XPO7: variants seen among roughly 807,000 people sequenced by gnomAD.
XPO7 encodes the protein exportin-7.
XPO7 carries 21 observed loss-of-function variants against 144.3 expected under a neutral mutation model. The ratio of observed to expected loss-of-function variants is 0.15; its 90% CI spans 0.10 to 0.21. XPO7 has a LOEUF of 0.21. XPO7 is among the 10% of genes least tolerant of loss of function. The pLI, the probability that XPO7 is intolerant of heterozygous loss-of-function variation, is 1.00. For synonymous variants in XPO7, 580 were observed against 499.6 expected (o/e 1.16, Z -2.15); for missense variants, 808 against 1,325.8 (o/e 0.61, Z 6.06).
intron 16 of XPO7, among the ~76,000 whole-genome samples, chr8:21,989,821 CTTTTTTTTTTTTTTTTTTTTTT>C (rs1170364778): frequency 5.0e-4 from 30 of 59,702 alleles, no homozygotes; most frequent in South Asian, 1.1e-3. Flanking sequence ...TAGGTGTTTC[CTTTTTTTTTTTTTTTTTTTTTT>C]TTTTTTTTTT....
intron 16 of XPO7, 142 bp downstream of exon 16, chr8:21,989,225 A>T (rs1477651153): frequency 6.4e-6 from 5 of 781,488 alleles, no homozygotes; most frequent in African/African-American, 5.3e-5. Flanking sequence ...GTCCAAAAAA[A>T]CGCCAATGCC....
intron 21 of XPO7, 109 bp downstream of exon 21, chr8:21,995,708 C>T: frequency 1.2e-6 from 1 of 809,014 alleles, no homozygotes; most frequent in Non-Finnish European, 1.8e-6. Context: ...TTCACTACTG[C>T]ATTTTAAAAT....
At chr8:21,949,278 G>A (rs188687005) in intron 1 of XPO7, among the ~76,000 whole-genome samples, 284 of 152,280 alleles carry the variant, frequency 1.9e-3, no homozygotes, top group African/African-American at 5.8e-3. Flanking sequence ...GGTAGCACGA[G>A]TCATGGGGAT....
At chr8:21,933,752 G>C (rs1364546089) in intron 1 of XPO7, among the ~76,000 whole-genome samples, 8 of 152,176 alleles carry the variant, frequency 5.3e-5, no homozygotes, top group Admixed American at 5.2e-4. Context: ...AAATTTTACT[G>C]TGTGTCCATG....
At chr8:21,974,869 G>A (rs1812177137) in intron 6 of XPO7, 95 bp downstream of exon 6, 1 of 975,080 alleles carries the variant, frequency 1.0e-6, no homozygotes, top group Non-Finnish European at 1.5e-6. Context: ...CTGATCCCAC[G>A]AGAGTTTATG....
intron 6 of XPO7, 149 bp downstream of exon 6, chr8:21,974,923 T>G: frequency 1.6e-6 from 1 of 644,030 alleles, no homozygotes; most frequent in Admixed American, 3.6e-5. Flanking sequence ...CATAGAGGCG[T>G]TGAAGAAACT....
chr8:21,990,300 C>G, intron 16 of XPO7, 44 bp from the exon 17 acceptor site: 1 of 1,597,802 alleles, frequency 6.3e-7, no homozygotes, highest in Non-Finnish European at 8.6e-7. Context: ...CTTAGAGTTT[C>G]GGCCTGCTTC....
At chr8:21,979,804 G>A (rs1454755596) in intron 8 of XPO7, among the ~76,000 whole-genome samples, 1 of 152,054 alleles carries the variant, frequency 6.6e-6, no homozygotes, top group African/African-American at 2.4e-5. Context: ...AAACTTTAAA[G>A]TATAAATTGC....
intron 16 of XPO7, 48 bp from the exon 17 acceptor site, chr8:21,990,296 G>A: frequency 6.3e-7 from 1 of 1,597,348 alleles, no homozygotes; most frequent in Non-Finnish European, 8.6e-7. Flanking sequence ...CTGCCTTAGA[G>A]TTTCGGCCTG....
intron 1 of XPO7, among the ~76,000 whole-genome samples, chr8:21,929,778 T>C (rs1010156021): frequency 5.3e-5 from 8 of 152,318 alleles, no homozygotes; most frequent in African/African-American, 7.2e-5. Flanking sequence ...GTTTTTTTTT[T>C]CCCACTGTAA....
At chr8:21,969,457 A>T (rs1351089958) in intron 2 of XPO7, 26 bp from the exon 3 acceptor site, 1 of 1,587,598 alleles carries the variant, frequency 6.3e-7, no homozygotes, top group South Asian at 1.1e-5. Context: ...TACAATTTTA[A>T]GTCCTTTTTC....
intron 21 of XPO7, among the ~76,000 whole-genome samples, chr8:21,996,588 C>A (rs1330079460): frequency 2.6e-5 from 4 of 152,046 alleles, no homozygotes; most frequent in African/African-American, 4.8e-5. Context: ...TATTAGAATA[C>A]CCTTTCTTAA....
intron 10 of XPO7, 78 bp downstream of exon 10, chr8:21,981,955 T>A: frequency 2.6e-6 from 4 of 1,567,292 alleles, no homozygotes; most frequent in Non-Finnish European, 2.6e-6. Context: ...TGTAAGAATA[T>A]ATTTTTTTTT....
rs1813323550 is a variant in XPO7, at chr8:22,006,168, C to G, written c.*1080C>G. On this transcript the variant is annotated 3_prime_UTR_variant, in exon 28 of 28. Coordinates refer to ENST00000252512, the MANE Select transcript of XPO7 (RefSeq NM_015024.5). ...AGGAAGTTACTACAGTGGAAGGGTT[C>G]TTAATAACAAGGTCTACCTAGCATG... 1 of 152,148 alleles carries G rather than the reference C, an allele frequency of 6.6e-6. No homozygotes were observed. Among genetic ancestry groups the G allele is most frequent in the Non-Finnish European group, 1.5e-5 (1 of 68,026 alleles). 9.4% of individuals were successfully genotyped at this position (152,148 alleles called of 1,614,324 possible).
chr8:21,963,491 C>G (rs564858124), intron 1 of XPO7, among the ~76,000 whole-genome samples: 5 of 152,256 alleles, frequency 3.3e-5, no homozygotes, highest in Admixed American at 3.3e-4. Context: ...GTCAGGAGTT[C>G]AAGACCAGCC....
intron 20 of XPO7, among the ~76,000 whole-genome samples, 172 bp downstream of exon 20, chr8:21,994,623 G>A (rs1812882307): frequency 6.6e-6 from 1 of 152,142 alleles, no homozygotes; most frequent in Non-Finnish European, 1.5e-5. Flanking sequence ...CAGACATAAG[G>A]TTGTCTGAGA....
chr8:21,925,065 A>G (rs1477419642), intron 1 of XPO7, among the ~76,000 whole-genome samples: 2 of 152,194 alleles, frequency 1.3e-5, no homozygotes, highest in East Asian at 3.8e-4. Context: ...ATGTCCCTGA[A>G]TGGGGGGCAG....
At chr8:21,972,979 C>A (rs1812115705) in intron 5 of XPO7, among the ~76,000 whole-genome samples, 2 of 152,192 alleles carry the variant, frequency 1.3e-5, no homozygotes, top group South Asian at 4.1e-4. Flanking sequence ...ATTACTGTTA[C>A]CACCATTCTA....
At chr8:21,981,209 G>A (rs1284815029) in intron 9 of XPO7, among the ~76,000 whole-genome samples, 7 of 152,166 alleles carry the variant, frequency 4.6e-5, no homozygotes, top group African/African-American at 1.7e-4. Flanking sequence ...TGTAATATTT[G>A]CTATATCATA....
Sources: gnomAD v4.1 joint callset for allele counts (sites outside exome capture counted in the v4.1 genomes callset) on GRCh38, gnomAD v4.1.1 for gene constraint, MANE v1.5 for transcripts, NCBI Gene and HGNC (gene_info 2026-07-23, HGNC 2026-07-21) for gene names.